The following LRRC69 variants were observed in gnomAD, a reference collection of about 807,000 sequenced individuals.
LRRC69 encodes the protein leucine-rich repeat-containing protein 69.
LRRC69 carries 42 observed loss-of-function variants against 37.8 expected under a neutral mutation model. The observed-to-expected ratio is 1.11, with a 90% CI of 0.87 to 1.44. LRRC69 has a LOEUF of 1.44. Ranked by LOEUF, LRRC69 falls within the 40% of genes most tolerant of loss-of-function variation. The probability of loss-of-function intolerance (pLI) is 0.00; values close to 1 mark genes in which losing one functional copy is unlikely to be tolerated. For synonymous variants in LRRC69, 141 were observed against 143.1 expected (o/e 0.99, Z 0.11); for missense variants, 357 against 401.9 (o/e 0.89, Z 0.96).
At chr8:91,211,610 A>G (rs1279845721) in intron 7 of LRRC69, among the ~76,000 whole-genome samples, 1 of 137,758 alleles carries the variant, frequency 7.3e-6, no homozygotes, top group Non-Finnish European at 1.6e-5. Context: ...ATATATATAT[A>G]TATATATTTT....
intron 1 of LRRC69, among the ~76,000 whole-genome samples, chr8:91,110,953 A>G (rs972186121): frequency 2.6e-5 from 4 of 152,072 alleles, no homozygotes; most frequent in Non-Finnish European, 5.9e-5. Context: ...TTGAAAATAA[A>G]AACTGATGTG....
At chr8:91,174,610 A>C (rs7822774) in intron 5 of LRRC69, among the ~76,000 whole-genome samples, 102,909 of 152,102 alleles carry the variant, frequency 0.68, 35,278 homozygotes, top group African/African-American at 0.74. Flanking sequence ...CTTTGAATAT[A>C]TTTCGTCTAG....
intron 6 of LRRC69, among the ~76,000 whole-genome samples, chr8:91,194,668 G>A (rs1809562815): frequency 6.6e-6 from 1 of 152,092 alleles, no homozygotes; most frequent in Non-Finnish European, 1.5e-5. Flanking sequence ...ATGGTAGTTT[G>A]TATTTCTGTG....
chr8:91,176,134 A>ATATATATATATATTT lies in LRRC69; in HGVS notation c.652-13387_652-13386insATATATATATATTTT. On this transcript the variant is annotated intron_variant, in intron 5 of 7. Coordinates refer to ENST00000448384, the Ensembl canonical transcript of LRRC69. ...ATCCCTCATATATATATATATATAT[A>ATATATATATATATTT]TTTTTTTTTTTTCTTTTTTTTGAGA... Among the ~76,000 whole-genome samples the ATATATATATATATTT allele has an allele frequency of 1.5e-3, 115 of 75,650 alleles. 1 individual carries two copies. The highest frequency in any genetic ancestry group is 3.9e-3 in the African/African-American group (64 of 16,408). The allele number at this position is 75,650 out of a possible 152,430, so 49.6% of individuals were successfully genotyped here. A position where few individuals can be genotyped will look rare whatever the true frequency, so the allele number is the denominator to read the frequency against.
At chr8:91,121,979 T>C (rs1295931145) in intron 1 of LRRC69, among the ~76,000 whole-genome samples, 3 of 152,096 alleles carry the variant, frequency 2.0e-5, no homozygotes, top group Non-Finnish European at 4.4e-5. Flanking sequence ...GATTTCCCTT[T>C]GACATATGAT....
intron 5 of LRRC69, among the ~76,000 whole-genome samples, chr8:91,151,373 C>A (rs190449745): frequency 1.7e-4 from 25 of 151,146 alleles, no homozygotes; most frequent in Non-Finnish European, 2.9e-4. Flanking sequence ...CAGGTTGTTC[C>A]GTTTCCATGT....
intron 1 of LRRC69, among the ~76,000 whole-genome samples, chr8:91,120,335 C>A (rs1813596850): frequency 6.6e-6 from 1 of 152,122 alleles, no homozygotes. Context: ...GATTCTGTTA[C>A]ACTATATATC....
chr8:91,213,451 CTG>C (rs1456186123), intron 7 of LRRC69, among the ~76,000 whole-genome samples: 13 of 152,252 alleles, frequency 8.5e-5, no homozygotes, highest in Admixed American at 2.6e-4. Context: ...TCACTTATCA[CTG>C]TGGCATGGCA....
At chr8:91,106,508 G>A (rs1459077395) in intron 1 of LRRC69, among the ~76,000 whole-genome samples, 2 of 151,980 alleles carry the variant, frequency 1.3e-5, no homozygotes, top group Non-Finnish European at 2.9e-5. Context: ...AGTATCAGGA[G>A]CTCATCATTT....
chr8:91,214,576 A>G (rs1810004087), intron 7 of LRRC69, among the ~76,000 whole-genome samples: 2 of 152,152 alleles, frequency 1.3e-5, no homozygotes, highest in African/African-American at 2.4e-5. Flanking sequence ...ACCTTGAAAT[A>G]TGAGGCCTAA....
intron 5 of LRRC69, among the ~76,000 whole-genome samples, chr8:91,153,154 C>G (rs1013787530): frequency 3.3e-5 from 5 of 151,052 alleles, no homozygotes; most frequent in South Asian, 2.1e-4. Context: ...AAGGGATCAA[C>G]AAGAAGAGCT....
chr8:91,175,815 GT>G (rs11337903), intron 5 of LRRC69, among the ~76,000 whole-genome samples: 98,192 of 147,240 alleles, frequency 0.67, 32,884 homozygotes, highest in African/African-American at 0.74. Flanking sequence ...CACCACCGGA[GT>G]TTTTTTTTTT....
intron 1 of LRRC69, among the ~76,000 whole-genome samples, chr8:91,122,845 A>AT (rs1246521689): frequency 9.9e-5 from 15 of 152,028 alleles, no homozygotes; most frequent in Admixed American, 9.8e-4. Context: ...CCCACACCTA[A>AT]TCCCCCAATC....
intron 5 of LRRC69, among the ~76,000 whole-genome samples, chr8:91,185,643 A>C (rs1809396051): frequency 6.6e-6 from 1 of 152,218 alleles, no homozygotes. Flanking sequence ...ATTAGATATC[A>C]AATTTATCAT....
intron 5 of LRRC69, among the ~76,000 whole-genome samples, chr8:91,143,043 T>C (rs992767068): frequency 1.3e-5 from 2 of 152,078 alleles, no homozygotes; most frequent in Non-Finnish European, 2.9e-5. Flanking sequence ...GAGTTTTATA[T>C]GTTGTTTAAT....
intron 1 of LRRC69, among the ~76,000 whole-genome samples, chr8:91,108,103 G>A (rs569717723): frequency 6.6e-6 from 1 of 152,012 alleles, no homozygotes; most frequent in South Asian, 2.1e-4. Context: ...CCCTTAAGCT[G>A]CTCACATGTG....
At chr8:91,150,205 G>T (rs1808706740) in intron 5 of LRRC69, among the ~76,000 whole-genome samples, 1 of 151,954 alleles carries the variant, frequency 6.6e-6, no homozygotes, top group African/African-American at 2.4e-5. Flanking sequence ...CATTCAGTAT[G>T]ATATTGGCTG....
At chr8:91,143,304 G>C (rs1169008362) in intron 5 of LRRC69, among the ~76,000 whole-genome samples, 1 of 152,058 alleles carries the variant, frequency 6.6e-6, no homozygotes, top group African/African-American at 2.4e-5. Context: ...GTTTGGGAGT[G>C]AAACTCAAGT....
At position 91,198,543 on chromosome 8, in the gene LRRC69, A is replaced by T. The variant is rs1376024655; in HGVS notation, c.754-2070A>T. ...CATTTTATGTTTTTCATATTATATA[A>T]TTTTTATGTGTATAATTTAATAACT... On this transcript the variant is annotated intron_variant, in intron 6 of 7. Transcript: ENST00000448384. 2.0e-5 allele frequency among the ~76,000 whole-genome samples: 3 copies of T among 149,760 alleles called. No individual in the cohort carries two copies. In the East Asian group the frequency reaches 5.8e-4, roughly 29 times the overall value.
Sources: allele counts gnomAD v4.1 joint callset (sites outside exome capture counted in the v4.1 genomes callset), GRCh38; gene constraint gnomAD v4.1.1; transcripts MANE v1.5; gene names NCBI Gene and HGNC (gene_info 2026-07-23, HGNC 2026-07-21).